Variants in WDPCP observed in about 807,000 individuals in gnomAD.
The protein encoded by WDPCP is WD repeat-containing and planar cell polarity effector protein fritz homolog.
In WDPCP, 71 loss-of-function variants were observed where a neutral mutation model predicts 93.1. The ratio of observed to expected loss-of-function variants is 0.76; its 90% CI spans 0.63 to 0.93. The LOEUF is 0.93. Ranked by LOEUF, WDPCP falls within the 40% of genes least tolerant of loss-of-function variation. The probability of loss-of-function intolerance (pLI) is 0.00; values close to 1 mark genes in which losing one functional copy is unlikely to be tolerated. For missense variants in WDPCP, 844 were observed against 887.4 expected (o/e 0.95, Z 0.62); for synonymous variants, 315 against 315.0 (o/e 1.00, Z 0.00).
intron 6 of WDPCP, among the ~76,000 whole-genome samples, chr2:63,458,256 C>T (rs1239519402): frequency 3.4e-5 from 5 of 149,004 alleles, no homozygotes; most frequent in South Asian, 2.1e-4. Context: ...CAAAGGCATT[C>T]GAATTGGAAA....
At chr2:63,251,322 A>G (rs1380069135) in intron 14 of WDPCP, among the ~76,000 whole-genome samples, 3 of 152,168 alleles carry the variant, frequency 2.0e-5, no homozygotes, top group African/African-American at 7.2e-5. Context: ...AAAGATCCTT[A>G]GAAACTAATA....
chr2:63,651,454 A>AACACACAC (rs140128523), intron 2 of WDPCP, among the ~76,000 whole-genome samples: 62,130 of 147,480 alleles, frequency 0.42, 13,359 homozygotes, highest in East Asian at 0.76. Flanking sequence ...ATGTGTGTAC[A>AACACACAC]ACACACACAC....
rs367667075 is a variant in WDPCP at position 63,290,718 on chromosome 2, G to A, written c.1812+22530C>T. ...TGAGAGTTTTAGTTTTGTTTAGCAT[G>A]TTGATGATGCTGTTCCATTATCTTT... On this transcript the variant is annotated intron_variant, in intron 13 of 17. Coordinates refer to ENST00000272321, the MANE Select transcript of WDPCP (RefSeq NM_015910.7). Among the ~76,000 whole-genome samples the A allele has an allele frequency of 1.2e-4, 19 of 152,244 alleles. No individual in the cohort carries two copies. The East Asian group carries it at 1.9e-3, about 15-fold the overall frequency.
chr2:63,533,990 G>T (rs1451626421), intron 1 of WDPCP, among the ~76,000 whole-genome samples: 1 of 148,436 alleles, frequency 6.7e-6, no homozygotes, highest in African/African-American at 2.5e-5. Flanking sequence ...AGAAAAGACA[G>T]GAGAATCAAA....
chr2:63,780,874 T>C (rs1418298404), intron 2 of WDPCP, among the ~76,000 whole-genome samples: 1 of 152,174 alleles, frequency 6.6e-6, no homozygotes, highest in Non-Finnish European at 1.5e-5. Context: ...TTTTAGACTC[T>C]TTAAAACAAA....
intron 1 of WDPCP, among the ~76,000 whole-genome samples, chr2:63,497,888 G>T (rs1338520812): frequency 6.6e-6 from 1 of 152,124 alleles, no homozygotes; most frequent in African/African-American, 2.4e-5. Flanking sequence ...TTTTCAGAAG[G>T]GGGTGCGGGC....
At chr2:63,835,695 T>C in the WDPCP span, among the ~76,000 whole-genome samples, 1 of 152,090 alleles carries the variant, frequency 6.6e-6, no homozygotes, top group Non-Finnish European at 1.5e-5. Context: ...TTCATATTTT[T>C]TCCTGTAGTT....
chr2:63,612,953 G>A (rs1030912283), intron 3 of WDPCP, among the ~76,000 whole-genome samples: 1 of 142,790 alleles, frequency 7.0e-6, no homozygotes, highest in Non-Finnish European at 1.5e-5. Flanking sequence ...TTACTTCTTA[G>A]CATCACTTCA....
chr2:63,739,329 C>T (rs1454864379), intron 2 of WDPCP, among the ~76,000 whole-genome samples: 2 of 152,108 alleles, frequency 1.3e-5, no homozygotes, highest in Non-Finnish European at 2.9e-5. Flanking sequence ...CCTCCAGCTC[C>T]ATCCATGTTT....
rs186759350 is a variant in WDPCP at position 63,555,553 on chromosome 2, G to A, written c.75+32644C>T. On this transcript the variant is annotated intron_variant, in intron 1 of 17. Transcript: ENST00000272321. Reference sequence around the variant, plus strand: ...CCTCCTGACTAGGTGAGACCCCCCCGCAACAGGGGTTGCAGGACACCTTAT... The same window carrying A: ...CCTCCTGACTAGGTGAGACCCCCCCACAACAGGGGTTGCAGGACACCTTAT... Among the ~76,000 whole-genome samples, 17 of 152,052 alleles carry A rather than the reference G, an allele frequency of 1.1e-4. No homozygotes were observed. The East Asian group carries it at 2.7e-3, about 24-fold the overall frequency.
chr2:63,298,660 A>G (rs1413918115), intron 13 of WDPCP, among the ~76,000 whole-genome samples: 5 of 152,064 alleles, frequency 3.3e-5, no homozygotes, highest in Admixed American at 2.0e-4. Context: ...TGAGGCCACA[A>G]TGTTGACTTC....
At chr2:63,138,345 T>A (rs980713240) in intron 17 of WDPCP, among the ~76,000 whole-genome samples, 1 of 152,098 alleles carries the variant, frequency 6.6e-6, no homozygotes, top group African/African-American at 2.4e-5. Context: ...CCAGTGCCCA[T>A]TTCCTTGCAA....
At chr2:63,813,262 A>G (rs1670886569) in intron 2 of WDPCP, among the ~76,000 whole-genome samples, 1 of 152,212 alleles carries the variant, frequency 6.6e-6, no homozygotes, top group South Asian at 2.1e-4. Context: ...TAGCAGTGCC[A>G]TTTACCAAGT....
At chr2:63,771,109 A>C (rs1390970335) in intron 2 of WDPCP, among the ~76,000 whole-genome samples, 3 of 151,804 alleles carry the variant, frequency 2.0e-5, no homozygotes, top group African/African-American at 7.2e-5. Context: ...AAAAGTGTAG[A>C]GAGTCCTGAG....
intron 13 of WDPCP, among the ~76,000 whole-genome samples, chr2:63,284,070 C>T (rs374015346): frequency 3.3e-5 from 5 of 151,242 alleles, no homozygotes; most frequent in African/African-American, 7.3e-5. Context: ...TACATGGGTA[C>T]ATATAAAAGA....
chr2:63,474,888 A>G (rs1007386159), intron 6 of WDPCP, among the ~76,000 whole-genome samples: 3 of 152,186 alleles, frequency 2.0e-5, no homozygotes, highest in Non-Finnish European at 2.9e-5. Context: ...ATGTCTGCAC[A>G]GTAAAAAGAT....
chr2:63,572,701 C>CAAAAAAAAAAAAAAAAAAAAAA lies in WDPCP; in HGVS notation c.75+15474_75+15495dup. 1.7e-3 allele frequency among the ~76,000 whole-genome samples: 42 copies of CAAAAAAAAAAAAAAAAAAAAAA among 24,780 alleles called. 8 individuals carry two copies. The highest frequency in any genetic ancestry group is 6.9e-3 in the South Asian group (2 of 288). The allele number at this position is 24,780 out of a possible 152,430, so 16.3% of individuals were successfully genotyped here. On this transcript the variant is annotated intron_variant, in intron 1 of 17. Transcript: ENST00000272321. ...TGGGTGACAGAGTGAGACTCTGTCT[C>CAAAAAAAAAAAAAAAAAAAAAA]AAAAAAAAAAAAAAAAAAAAAAAAA...
intron 14 of WDPCP, among the ~76,000 whole-genome samples, chr2:63,196,105 T>G (rs1053913044): frequency 6.6e-6 from 1 of 152,236 alleles, no homozygotes; most frequent in African/African-American, 2.4e-5. Context: ...TTCTTGTGTA[T>G]TTTTCATTAT....
In WDPCP at chr2:63,685,264, A is replaced by T. The variant is rs1233183838; in HGVS notation, n.309-34426T>A. On this transcript the variant is annotated intron_variant and non_coding_transcript_variant, in intron 2 of 4. Transcript: ENST00000467687. The stretch of plus-strand genomic sequence containing the variant: ...CCAAATAAATAAAATCAGAGATGAA[A>T]AAGCAGACATTAGAACTGATAGAGC... 3.9e-5 allele frequency among the ~76,000 whole-genome samples: 6 copies of T among 152,202 alleles called. No individual in the cohort carries two copies. In the East Asian group the frequency reaches 1.2e-3, roughly 29 times the overall value.
Sources: allele counts gnomAD v4.1 joint callset (sites outside exome capture counted in the v4.1 genomes callset), GRCh38; gene constraint gnomAD v4.1.1; transcripts MANE v1.5; gene names NCBI Gene and HGNC (gene_info 2026-07-23, HGNC 2026-07-21).